Variants in SLC24A4 observed in about 807,000 individuals in gnomAD.
SLC24A4 encodes the protein sodium/potassium/calcium exchanger 4.
A neutral mutation model predicts 79.0 loss-of-function variants in SLC24A4; 53 were observed. The ratio of observed to expected loss-of-function variants is 0.67; its 90% CI spans 0.54 to 0.84. The LOEUF is 0.84. Ranked by LOEUF, SLC24A4 falls within the 40% of genes least tolerant of loss-of-function variation. SLC24A4 has a pLI of 0.00. For missense variants in SLC24A4, 731 were observed against 822.0 expected (o/e 0.89, Z 1.35); for synonymous variants, 323 against 323.8 (o/e 1.00, Z 0.03).
Position 92,442,800 on chromosome 14 carries a change from G to T in SLC24A4, c.566G>T (p.Gly189Val). 1.9e-6 allele frequency: 3 copies of T among 1,614,110 alleles called. No homozygotes were observed. The highest frequency in any genetic ancestry group is 1.7e-6 in the Non-Finnish European group (2 of 1,179,962). ...ATCCTGTGCATAATTGGAGTGTGCGGACTGTTTGCTGGCCAGGTCAGTGGT... is the reference window on the plus strand; with the variant it reads ...ATCCTGTGCATAATTGGAGTGTGCGTACTGTTTGCTGGCCAGGTCAGTGGT... Reference protein sequence around the residue: ...FNILCIIGVCGLFAGQVVRLT... With the variant: ...FNILCIIGVCVLFAGQVVRLT... Residue 189 changes from glycine (G) to valine (V), a missense_variant, in exon 6 of 17, where the codon GGA (glycine) becomes GTA (valine). Gly to Val is a moderately radical substitution (Grantham distance 109). Coordinates refer to ENST00000532405, the MANE Select transcript of SLC24A4 (RefSeq NM_153646.4).
chr14:92,480,794 CT>C (rs1198379247), intron 12 of SLC24A4, among the ~76,000 whole-genome samples: 1 of 151,954 alleles, frequency 6.6e-6, no homozygotes, highest in Non-Finnish European at 1.5e-5. Context: ...AGTTTTCCTT[CT>C]GTTATTGGTT....
intron 2 of SLC24A4, among the ~76,000 whole-genome samples, chr14:92,431,140 T>A (rs1891848192): frequency 6.6e-6 from 1 of 152,250 alleles, no homozygotes; most frequent in Non-Finnish European, 1.5e-5. Flanking sequence ...CTTTGTCTTC[T>A]CTTTAGCTTT....
chr14:92,369,199 G>A (rs1322721952), intron 2 of SLC24A4, among the ~76,000 whole-genome samples: 1 of 152,222 alleles, frequency 6.6e-6, no homozygotes, highest in Non-Finnish European at 1.5e-5. Flanking sequence ...GACGTCCCAG[G>A]AAAGGTCTGA....
chr14:92,326,422 T>C (rs900870697), intron 2 of SLC24A4, among the ~76,000 whole-genome samples: 4 of 152,010 alleles, frequency 2.6e-5, no homozygotes, highest in African/African-American at 9.7e-5. Context: ...GCTGCAGGGG[T>C]GGGACACTCT....
chr14:92,483,179 C>G (rs1895158767), intron 13 of SLC24A4, among the ~76,000 whole-genome samples: 1 of 152,040 alleles, frequency 6.6e-6, no homozygotes, highest in South Asian at 2.1e-4. Context: ...TTTCCAGGGT[C>G]CCAAGGGAAT....
rs377014238 is a variant in SLC24A4 at position 92,344,992 on chromosome 14, T to C, written c.241+19014T>C. ...CAGATTCTCTCTCTGCTTTGAAGCC[T>C]CCTGAAATTCTGCCACTGTACAAAT... On this transcript the variant is annotated intron_variant, in intron 2 of 16. Transcript: ENST00000532405. Among the ~76,000 whole-genome samples, 144 of 152,304 alleles carry C rather than the reference T, an allele frequency of 9.5e-4. 2 individuals carry two copies. Among genetic ancestry groups the C allele is most frequent in the African/African-American group, 3.0e-3 (125 of 41,570 alleles).
chr14:92,470,462 G>T (rs1194454731), intron 12 of SLC24A4, among the ~76,000 whole-genome samples: 1 of 152,158 alleles, frequency 6.6e-6, no homozygotes, highest in Admixed American at 6.5e-5. Flanking sequence ...ATCAGCAACT[G>T]CATCTGTTCT....
At chr14:92,351,551 T>A (rs1886870236) in intron 2 of SLC24A4, among the ~76,000 whole-genome samples, 1 of 152,192 alleles carries the variant, frequency 6.6e-6, no homozygotes, top group Admixed American at 6.5e-5. Context: ...AAGTGTTTCT[T>A]CTCTTACTTG....
At chr14:92,404,520 C>T (rs1487878641) in intron 2 of SLC24A4, among the ~76,000 whole-genome samples, 1 of 151,246 alleles carries the variant, frequency 6.6e-6, no homozygotes, top group Non-Finnish European at 1.5e-5. Flanking sequence ...TGGGCCTCTT[C>T]CTTTTCTCCA....
At chr14:92,372,139 T>C (rs1290673081) in intron 2 of SLC24A4, among the ~76,000 whole-genome samples, 1 of 152,190 alleles carries the variant, frequency 6.6e-6, no homozygotes, top group Non-Finnish European at 1.5e-5. Flanking sequence ...TTGAAGGGGT[T>C]GTTGGGAGAG....
At chr14:92,326,453 C>T (rs778193619) in intron 2 of SLC24A4, among the ~76,000 whole-genome samples, 4 of 150,952 alleles carry the variant, frequency 2.6e-5, no homozygotes, top group Non-Finnish European at 4.5e-5. Flanking sequence ...GGCTGTTTCT[C>T]TCAAATGGGA....
rs1177923114 is a variant in SLC24A4, at chr14:92,323,981, C to T, written c.130+21C>T. ...CTTGGGTGGGTGCTGGTACGGGTCC[C>T]CTCTTCCTGGGGAGTTGGGGGCTTT... On this transcript the variant is annotated intron_variant, in intron 1 of 16. Transcript: ENST00000532405. This position sits in a 1 kb window ranked among gnomAD's most constrained non-coding sequence, Gnocchi z 4.9. The T allele has an allele frequency of 6.2e-7, 1 of 1,605,608 alleles. No homozygotes were observed. Among genetic ancestry groups the T allele is most frequent in the East Asian group, 2.3e-5 (1 of 44,334 alleles).
In SLC24A4 at chr14:92,494,996, T is replaced by A. The variant is rs1392798508; in HGVS notation, c.*1368T>A. The stretch of plus-strand genomic sequence containing the variant: ...TTTATAGAGAGGTTTTTTATTTTTT[T>A]AATATTTCTATTGCAAAAGTCTATC... On this transcript the variant is annotated 3_prime_UTR_variant, in exon 17 of 17. Coordinates refer to ENST00000532405, the MANE Select transcript of SLC24A4 (RefSeq NM_153646.4). This position sits in a 1 kb window ranked among gnomAD's most constrained non-coding sequence, Gnocchi z 4.6. 4 of 152,700 alleles carry A rather than the reference T, an allele frequency of 2.6e-5. No homozygotes were observed. Among genetic ancestry groups the A allele is most frequent in the Non-Finnish European group, 1.5e-5 (1 of 68,054 alleles). The allele number at this position is 152,700 out of a possible 1,614,324, so 9.5% of individuals were successfully genotyped here.
At chr14:92,480,865 G>T (rs1712231156) in intron 12 of SLC24A4, among the ~76,000 whole-genome samples, 2 of 152,194 alleles carry the variant, frequency 1.3e-5, no homozygotes, top group African/African-American at 4.8e-5. Flanking sequence ...TAGGGTTTGT[G>T]GTTGTTACTC....
chr14:92,324,178 G>T (rs1012657291), intron 1 of SLC24A4, among the ~76,000 whole-genome samples: 4 of 152,228 alleles, frequency 2.6e-5, no homozygotes, highest in Non-Finnish European at 4.4e-5. Context: ...CGGCCCCTGG[G>T]GGGGCTCAGG....
chr14:92,331,316 C>T (rs1221308223), intron 2 of SLC24A4, among the ~76,000 whole-genome samples: 1 of 152,206 alleles, frequency 6.6e-6, no homozygotes, highest in Non-Finnish European at 1.5e-5. Flanking sequence ...CAGGGTCTCA[C>T]TGTGTCACCC....
intron 13 of SLC24A4, chr14:92,484,184 C>G (rs141445510): frequency 1.0e-6 from 1 of 985,256 alleles, no homozygotes; most frequent in East Asian, 1.1e-4. Flanking sequence ...TCCCCCATCT[C>G]TCCCAGAGCA....
chr14:92,373,417 A>G (rs1888318307), intron 2 of SLC24A4, among the ~76,000 whole-genome samples: 1 of 152,154 alleles, frequency 6.6e-6, no homozygotes, highest in Admixed American at 6.5e-5. Flanking sequence ...CCCAAGTTAG[A>G]GTGAGCTGAG....
chr14:92,377,486 G>T (rs894573058), intron 2 of SLC24A4, among the ~76,000 whole-genome samples: 1 of 152,184 alleles, frequency 6.6e-6, no homozygotes, highest in Non-Finnish European at 1.5e-5. Flanking sequence ...AAGATGAGGT[G>T]CAGTACCCAT....
Sources: allele counts gnomAD v4.1 joint callset (sites outside exome capture counted in the v4.1 genomes callset), GRCh38; gene constraint gnomAD v4.1.1; non-coding constraint Gnocchi (gnomAD v3.1); transcripts MANE v1.5; gene names NCBI Gene and HGNC (gene_info 2026-07-23, HGNC 2026-07-21).